MGMT: variants seen among roughly 807,000 people sequenced by gnomAD.
The protein encoded by MGMT is O-6-methylguanine-DNA methyltransferase, also known as methylated-DNA--protein-cysteine methyltransferase.
MGMT carries 14 observed loss-of-function variants against 15.9 expected under a neutral mutation model. The observed-to-expected ratio is 0.88, with a 90% CI of 0.58 to 1.37. The LOEUF is 1.37. Ranked by LOEUF, MGMT falls within the 40% of genes most tolerant of loss-of-function variation. MGMT has a pLI of 0.00. For missense variants in MGMT, 282 were observed against 268.1 expected (o/e 1.05, Z -0.36); for synonymous variants, 130 against 118.2 (o/e 1.10, Z -0.65).
At chr10:129,538,530 T>A (rs557950751) in intron 2 of MGMT, among the ~76,000 whole-genome samples, 1 of 152,336 alleles carries the variant, frequency 6.6e-6, no homozygotes, top group South Asian at 2.1e-4. Flanking sequence ...ATGAAGTATA[T>A]CTCATTGTGG....
At chr10:129,635,584 A>G (rs1847256311) in intron 2 of MGMT, among the ~76,000 whole-genome samples, 2 of 152,202 alleles carry the variant, frequency 1.3e-5, no homozygotes, top group South Asian at 4.1e-4. Context: ...CTTGCCTGGA[A>G]ACAGAAGTGC....
At chr10:129,530,579 A>C (rs971985286) in intron 1 of MGMT, among the ~76,000 whole-genome samples, 1 of 151,062 alleles carries the variant, frequency 6.6e-6, no homozygotes, top group Non-Finnish European at 1.5e-5. Flanking sequence ...GTTTCTCCTC[A>C]CTTCTCAGTG....
chr10:129,635,493 A>G (rs780596660), intron 2 of MGMT, among the ~76,000 whole-genome samples: 2 of 152,134 alleles, frequency 1.3e-5, no homozygotes, highest in African/African-American at 2.4e-5. Context: ...CAGTTTCTTG[A>G]AAAGTGTGTT....
rs1848983556 is a variant in MGMT at position 129,770,005 on chromosome 10, G to A, written c.*3008G>A. Reference sequence around the variant, plus strand: ...AGAACTTACTTGGGGTTTGTAATTTGTATACACTTCTTACCCAGCAGAAAC... The same window carrying A: ...AGAACTTACTTGGGGTTTGTAATTTATATACACTTCTTACCCAGCAGAAAC... On this transcript the variant is annotated 3_prime_UTR_variant, in exon 5 of 5. Coordinates refer to ENST00000651593, the MANE Select transcript of MGMT (RefSeq NM_002412.5). Among the ~76,000 whole-genome samples, 1 of 152,130 alleles carries A rather than the reference G, an allele frequency of 6.6e-6. No homozygotes were observed. Among genetic ancestry groups the A allele is most frequent in the African/African-American group, 2.4e-5 (1 of 41,428 alleles).
At chr10:129,557,386 T>G in intron 2 of MGMT, among the ~76,000 whole-genome samples, 1 of 152,210 alleles carries the variant, frequency 6.6e-6, no homozygotes, top group East Asian at 1.9e-4. Flanking sequence ...CCCGAGACTC[T>G]GGGTCCCTGT....
At chr10:129,471,203 A>T (rs538233443) in intron 1 of MGMT, among the ~76,000 whole-genome samples, 6 of 152,338 alleles carry the variant, frequency 3.9e-5, no homozygotes, top group African/African-American at 1.4e-4. Flanking sequence ...CTGCAAGCAC[A>T]GCGCGGGTGG....
intron 3 of MGMT, among the ~76,000 whole-genome samples, chr10:129,733,263 G>A (rs28879149): frequency 0.52 from 73,594 of 141,526 alleles, 19,391 homozygotes; most frequent in Middle Eastern, 0.68. Flanking sequence ...ACTGGTGTGA[G>A]ACGGTATCTC....
chr10:129,587,295 C>T (rs1330925578), intron 2 of MGMT, among the ~76,000 whole-genome samples: 1 of 151,366 alleles, frequency 6.6e-6, no homozygotes, highest in Non-Finnish European at 1.5e-5. Context: ...TTAAGTTATC[C>T]CACAGTTCTC....
intron 1 of MGMT, among the ~76,000 whole-genome samples, chr10:129,505,062 C>G (rs953739870): frequency 1.3e-5 from 2 of 152,066 alleles, no homozygotes; most frequent in African/African-American, 4.8e-5. Context: ...GTGTGTTTCC[C>G]CCTGTTGACT....
chr10:129,624,280 C>T lies in MGMT; in HGVS notation c.126-83615C>T, dbSNP rs543271820. On this transcript the variant is annotated intron_variant, in intron 2 of 4. Coordinates refer to ENST00000651593, the MANE Select transcript of MGMT (RefSeq NM_002412.5). ...AGCCCTGGGGATGGTCCTGCTCCCC[C>T]GGGGACAGTTTCCATCTCATGGTGT... Among the ~76,000 whole-genome samples, 8 of 152,280 alleles carry T rather than the reference C, an allele frequency of 5.3e-5. No homozygotes were observed. The South Asian group carries it at 1.5e-3, about 28-fold the overall frequency.
chr10:129,631,615 G>C (rs1240809512), intron 2 of MGMT, among the ~76,000 whole-genome samples: 1 of 152,178 alleles, frequency 6.6e-6, no homozygotes, highest in African/African-American at 2.4e-5. Context: ...TTGAGTGCAG[G>C]AGTTCAGGAC....
At chr10:129,688,352 G>A (rs564291587) in intron 2 of MGMT, among the ~76,000 whole-genome samples, 1 of 152,314 alleles carries the variant, frequency 6.6e-6, no homozygotes, top group Non-Finnish European at 1.5e-5. Context: ...TCCAGCACCT[G>A]TTGTTTCCTG....
chr10:129,647,156 C>G (rs1057501668), intron 2 of MGMT, among the ~76,000 whole-genome samples: 3 of 152,128 alleles, frequency 2.0e-5, no homozygotes, highest in African/African-American at 7.2e-5. Flanking sequence ...GGTGACGGCT[C>G]TAATAGGCAC....
At chr10:129,520,041 C>G (rs1461390879) in intron 1 of MGMT, among the ~76,000 whole-genome samples, 1 of 152,104 alleles carries the variant, frequency 6.6e-6, no homozygotes, top group Non-Finnish European at 1.5e-5. Context: ...TTCCAGAAAA[C>G]GTTTGTGACA....
chr10:129,740,309 C>A lies in MGMT; in HGVS notation c.275-18893C>A, dbSNP rs4483506. On this transcript the variant is annotated intron_variant, in intron 3 of 4. Transcript: ENST00000651593. ...CTGTGGAGCCACAGCTGCTGAGGTCCGGTGTTTTTAAAGCCTGAGAGAGGC... is the reference window on the plus strand; with the variant it reads ...CTGTGGAGCCACAGCTGCTGAGGTCAGGTGTTTTTAAAGCCTGAGAGAGGC... Among the ~76,000 whole-genome samples, 79 of 152,138 alleles carry A rather than the reference C, an allele frequency of 5.2e-4. 1 individual carries two copies. The East Asian group carries it at 0.011, about 21-fold the overall frequency.
At chr10:129,484,035 G>T (rs1247403282) in intron 1 of MGMT, among the ~76,000 whole-genome samples, 1 of 152,122 alleles carries the variant, frequency 6.6e-6, no homozygotes, top group African/African-American at 2.4e-5. Flanking sequence ...ACAAAATTTT[G>T]ACTGTATTTC....
chr10:129,723,393 CCT>C (rs1848396069), intron 3 of MGMT, among the ~76,000 whole-genome samples: 1 of 152,094 alleles, frequency 6.6e-6, no homozygotes, highest in African/African-American at 2.4e-5. Context: ...ATGACCTTGA[CCT>C]CACACCATAC....
At chr10:129,563,324 T>C (rs138253163) in intron 2 of MGMT, among the ~76,000 whole-genome samples, 41 of 152,124 alleles carry the variant, frequency 2.7e-4, no homozygotes, top group African/African-American at 9.9e-4. Flanking sequence ...GTGGGTAGGA[T>C]GACCCTGCCG....
chr10:129,639,500 A>G (rs1478047724), intron 2 of MGMT, among the ~76,000 whole-genome samples: 1 of 152,232 alleles, frequency 6.6e-6, no homozygotes, highest in Admixed American at 6.5e-5. Flanking sequence ...AGCATTATCT[A>G]CTAACTTGAT....
Sources: allele counts gnomAD v4.1 joint callset (sites outside exome capture counted in the v4.1 genomes callset), GRCh38; gene constraint gnomAD v4.1.1; transcripts MANE v1.5; gene names NCBI Gene and HGNC (gene_info 2026-07-23, HGNC 2026-07-21).